The following NEMP2 variants were observed in gnomAD, a reference collection of about 807,000 sequenced individuals.
NEMP2 encodes the protein UPF0571 transmembrane protein.
In NEMP2, 53 loss-of-function variants were observed where a neutral mutation model predicts 54.2. The ratio of observed to expected loss-of-function variants is 0.98; its 90% CI spans 0.78 to 1.23. NEMP2 has a LOEUF of 1.23. NEMP2 is among the 50% of genes most tolerant of loss of function. The probability of loss-of-function intolerance (pLI) is 0.00; values close to 1 mark genes in which losing one functional copy is unlikely to be tolerated. For missense variants in NEMP2, 455 were observed against 511.3 expected (o/e 0.89, Z 1.06); for synonymous variants, 197 against 190.3 (o/e 1.04, Z -0.29).
At chr2:190,428,654 C>CATTTATTTATTTAT in the NEMP2 span, among the ~76,000 whole-genome samples, 37 of 108,344 alleles carry the variant, frequency 3.4e-4, no homozygotes, top group Middle Eastern at 4.6e-3. Context: ...GAGATGCTTG[C>CATTTATTTATTTAT]TTATTTATTT....
chr2:190,552,910 A>G, the NEMP2 span, among the ~76,000 whole-genome samples: 3 of 152,288 alleles, frequency 2.0e-5, no homozygotes, highest in East Asian at 1.9e-4. Context: ...TACTGCTGGT[A>G]TGGTTAAAGA....
the NEMP2 span, among the ~76,000 whole-genome samples, chr2:190,495,941 C>T: frequency 2.0e-5 from 3 of 152,078 alleles, no homozygotes; most frequent in Non-Finnish European, 2.9e-5. The surrounding 1 kb of genome is among the most constrained non-coding windows in gnomAD (Gnocchi z 4.7). Flanking sequence ...GCAGAGATTT[C>T]GTGACCAAGA....
chr2:190,592,546 A>G, the NEMP2 span, among the ~76,000 whole-genome samples: 4 of 152,186 alleles, frequency 2.6e-5, no homozygotes, highest in Admixed American at 6.6e-5. This position sits in a 1 kb window ranked among gnomAD's most constrained non-coding sequence, Gnocchi z 4.4. Flanking sequence ...GGGGCTTTAC[A>G]TATATTCTCT....
intron 1 of NEMP2, among the ~76,000 whole-genome samples, chr2:190,532,884 G>A (rs1424700747): frequency 1.7e-4 from 26 of 152,168 alleles, no homozygotes; most frequent in Admixed American, 1.7e-3. Flanking sequence ...GGAATGGCAG[G>A]CATCCCTCTA....
rs576885448 is a variant in NEMP2, at chr2:190,507,511, T to TA, written c.*1677dup. The TA allele has an allele frequency of 2.2e-3, 336 of 152,222 alleles. 1 individual carries two copies. Among genetic ancestry groups the TA allele is most frequent in the African/African-American group, 7.7e-3 (319 of 41,528 alleles). 9.4% of individuals were successfully genotyped at this position (152,222 alleles called of 1,614,324 possible). On this transcript the variant is annotated 3_prime_UTR_variant, in exon 9 of 9. Transcript: ENST00000409150. The surrounding 1 kb of genome is among the most constrained non-coding windows in gnomAD (Gnocchi z 4.4). The stretch of plus-strand genomic sequence containing the variant: ...ATTTATATCACCAATAAATATAATT[T>TA]AAAAAAACAGATTAAACCATAAGAA...
the NEMP2 span, among the ~76,000 whole-genome samples, chr2:190,452,524 T>C: frequency 2.0e-5 from 3 of 152,170 alleles, no homozygotes; most frequent in African/African-American, 4.8e-5. Flanking sequence ...ACACAGCCAG[T>C]AAATAATGAA....
At chr2:190,436,491 T>G in the NEMP2 span, 25 of 1,614,128 alleles carry the variant, frequency 1.5e-5, no homozygotes, top group African/African-American at 3.2e-4. The surrounding 1 kb of genome is among the most constrained non-coding windows in gnomAD (Gnocchi z 5.3). Context: ...TTGTCAAACC[T>G]GCTACCTTGA....
upstream of NEMP2, among the ~76,000 whole-genome samples, chr2:190,538,029 G>A (rs1691433963): frequency 6.6e-6 from 1 of 152,102 alleles, no homozygotes; most frequent in African/African-American, 2.4e-5. This position sits in a 1 kb window ranked among gnomAD's most constrained non-coding sequence, Gnocchi z 4.1. Context: ...TCAACAGTAG[G>A]GTAAAGCTAA....
At chr2:190,537,959 A>G (rs80227252), upstream of NEMP2, among the ~76,000 whole-genome samples, 6 of 152,146 alleles carry the variant, frequency 3.9e-5, no homozygotes, top group Non-Finnish European at 7.4e-5. Context: ...AGCACATACA[A>G]CAAATGTCTG....
At chr2:190,490,393 C>T in the NEMP2 span, among the ~76,000 whole-genome samples, 1 of 151,930 alleles carries the variant, frequency 6.6e-6, no homozygotes, top group Non-Finnish European at 1.5e-5. The surrounding 1 kb of genome is among the most constrained non-coding windows in gnomAD (Gnocchi z 4.5). Flanking sequence ...GAAACCCCAT[C>T]TCTACTAAAA....
the NEMP2 span, among the ~76,000 whole-genome samples, chr2:190,489,362 TA>T: frequency 4.9e-4 from 74 of 152,300 alleles, no homozygotes; most frequent in Non-Finnish European, 8.5e-4. This position sits in a 1 kb window ranked among gnomAD's most constrained non-coding sequence, Gnocchi z 6.6. Flanking sequence ...TATTAATATA[TA>T]AGGTGGGCCC....
chr2:190,621,434 G>A, the NEMP2 span, among the ~76,000 whole-genome samples: 1 of 152,076 alleles, frequency 6.6e-6, no homozygotes, highest in Admixed American at 6.5e-5. Context: ...TTATATATGT[G>A]GTCTGTCATT....
the NEMP2 span, among the ~76,000 whole-genome samples, chr2:190,422,525 A>G: frequency 6.6e-6 from 1 of 152,206 alleles, no homozygotes; most frequent in African/African-American, 2.4e-5. Flanking sequence ...AACTCAAGTA[A>G]TAATTTGGCT....
the NEMP2 span, among the ~76,000 whole-genome samples, chr2:190,569,041 G>A: frequency 1.3e-5 from 2 of 152,172 alleles, no homozygotes; most frequent in Admixed American, 6.5e-5. Context: ...CTGAGGCCAG[G>A]TGTGGTGGCT....
At chr2:190,487,209 C>A in the NEMP2 span, among the ~76,000 whole-genome samples, 1 of 151,670 alleles carries the variant, frequency 6.6e-6, no homozygotes, top group Non-Finnish European at 1.5e-5. This position sits in a 1 kb window ranked among gnomAD's most constrained non-coding sequence, Gnocchi z 5.5. Context: ...GGGGTGGTGG[C>A]GGGCACTTGT....
At chr2:190,627,048 G>C in the NEMP2 span, among the ~76,000 whole-genome samples, 3 of 152,064 alleles carry the variant, frequency 2.0e-5, no homozygotes, top group Non-Finnish European at 4.4e-5. This position sits in a 1 kb window ranked among gnomAD's most constrained non-coding sequence, Gnocchi z 4.4. Context: ...CTTGTTTTTT[G>C]TCACACTGAT....
At chr2:190,446,879 C>T in the NEMP2 span, among the ~76,000 whole-genome samples, 1 of 152,128 alleles carries the variant, frequency 6.6e-6, no homozygotes, top group African/African-American at 2.4e-5. Flanking sequence ...TATTTTAGAA[C>T]AGGCCAAATT....
chr2:190,629,123 C>A, the NEMP2 span, among the ~76,000 whole-genome samples: 1 of 152,210 alleles, frequency 6.6e-6, no homozygotes, highest in South Asian at 2.1e-4. Context: ...CCTCAAAAAA[C>A]AATTCATCAG....
the NEMP2 span, chr2:190,436,848 C>T: frequency 6.2e-7 from 1 of 1,614,230 alleles, no homozygotes; most frequent in Non-Finnish European, 8.5e-7. The surrounding 1 kb of genome is among the most constrained non-coding windows in gnomAD (Gnocchi z 5.3). Flanking sequence ...TACCTTCTGA[C>T]CAAGTCATGC....
Sources: allele counts gnomAD v4.1 joint callset (sites outside exome capture counted in the v4.1 genomes callset), GRCh38; gene constraint gnomAD v4.1.1; non-coding constraint Gnocchi (gnomAD v3.1); transcripts MANE v1.5; gene names NCBI Gene and HGNC (gene_info 2026-07-23, HGNC 2026-07-21).